Variants in ALDH1A2 observed in about 807,000 individuals in gnomAD.
ALDH1A2 encodes the protein retinal dehydrogenase 2.
A neutral mutation model predicts 60.3 loss-of-function variants in ALDH1A2; 27 were observed. The ratio of observed to expected loss-of-function variants is 0.45; its 90% CI spans 0.33 to 0.62. The LOEUF is 0.62. ALDH1A2 is among the 20% of genes least tolerant of loss of function. The pLI is 0.02. For missense variants in ALDH1A2, 581 were observed against 643.8 expected (o/e 0.90, Z 1.06); for synonymous variants, 289 against 232.4 (o/e 1.24, Z -2.21).
intron 1 of ALDH1A2, among the ~76,000 whole-genome samples, chr15:58,025,590 T>C (rs188074196): frequency 6.6e-6 from 1 of 152,178 alleles, no homozygotes; most frequent in East Asian, 1.9e-4. Context: ...AAAGAATAAC[T>C]AACATCAATC....
At chr15:58,035,672 T>A (rs2140548333) in intron 1 of ALDH1A2, among the ~76,000 whole-genome samples, 1 of 151,890 alleles carries the variant, frequency 6.6e-6, no homozygotes, top group East Asian at 1.9e-4. Context: ...TTAACTCATG[T>A]GTTATTCAGA....
In ALDH1A2 at chr15:58,022,514, T is replaced by G. The variant is rs563529803; in HGVS notation, c.118-8233A>C. Among the ~76,000 whole-genome samples the G allele has an allele frequency of 2.1e-4, 32 of 152,254 alleles. 1 individual carries two copies. The Middle Eastern group carries it at 0.014, about 65-fold the overall frequency. On this transcript the variant is annotated intron_variant, in intron 1 of 12. Coordinates refer to ENST00000249750, the MANE Select transcript of ALDH1A2 (RefSeq NM_003888.4). ...GAACACATCCAACCACCTGGTCCAC[T>G]GCTGCCACTACCTCCGGGGGGAAAG... is the stretch of plus-strand genomic sequence containing the variant.
At chr15:58,022,467 T>C (rs1895955035) in intron 1 of ALDH1A2, among the ~76,000 whole-genome samples, 1 of 152,042 alleles carries the variant, frequency 6.6e-6, no homozygotes, top group African/African-American at 2.4e-5. Context: ...TGCCATGCCA[T>C]ACAAGCTGCC....
At chr15:58,059,298 C>T (rs144581304) in intron 1 of ALDH1A2, among the ~76,000 whole-genome samples, 42 of 152,258 alleles carry the variant, frequency 2.8e-4, no homozygotes, top group African/African-American at 9.6e-4. Context: ...TTTGAAATTA[C>T]CTGTCACAGT....
chr15:58,031,134 C>A (rs190497315), intron 1 of ALDH1A2, among the ~76,000 whole-genome samples: 1 of 151,886 alleles, frequency 6.6e-6, no homozygotes, highest in Non-Finnish European at 1.5e-5. Context: ...GCTACAGTAA[C>A]CAAAACAGCC....
intron 1 of ALDH1A2, among the ~76,000 whole-genome samples, chr15:58,059,535 T>C (rs527591719): frequency 6.6e-6 from 1 of 152,354 alleles, no homozygotes; most frequent in South Asian, 2.1e-4. Context: ...GTATGCTGCA[T>C]ACTTCCCACA....
At chr15:57,966,824 C>T (rs1893910692) in intron 7 of ALDH1A2, among the ~76,000 whole-genome samples, 1 of 152,182 alleles carries the variant, frequency 6.6e-6, no homozygotes, top group African/African-American at 2.4e-5. Flanking sequence ...GCAGGGATCC[C>T]TAGTAAAATC....
intron 7 of ALDH1A2, among the ~76,000 whole-genome samples, chr15:57,980,859 G>C (rs1234113876): frequency 1.3e-5 from 2 of 152,138 alleles, no homozygotes; most frequent in African/African-American, 4.8e-5. Context: ...AGAAGGAATG[G>C]TACCACCTCT....
intron 12 of ALDH1A2, among the ~76,000 whole-genome samples, chr15:57,959,310 A>G (rs1270554107): frequency 6.6e-6 from 1 of 152,212 alleles, no homozygotes. Context: ...TGCATCTTGA[A>G]AAGTGGAAGC....
chr15:58,051,855 G>C (rs1896785305), intron 1 of ALDH1A2, among the ~76,000 whole-genome samples: 1 of 152,182 alleles, frequency 6.6e-6, no homozygotes, highest in African/African-American at 2.4e-5. Flanking sequence ...GTAAGCTTCT[G>C]ACAAGTTCCC....
intron 1 of ALDH1A2, among the ~76,000 whole-genome samples, chr15:58,017,216 G>A (rs1895813261): frequency 6.6e-6 from 1 of 152,108 alleles, no homozygotes; most frequent in South Asian, 2.1e-4. Context: ...TTAGTATTTT[G>A]CACAAGAACC....
chr15:57,995,274 C>T (rs964988102), intron 4 of ALDH1A2, 135 bp from the exon 5 acceptor site: 14 of 695,018 alleles, frequency 2.0e-5, no homozygotes, highest in East Asian at 5.5e-5. Context: ...CCTACTCAAC[C>T]GTGCATGAAA....
chr15:58,008,324 A>C (rs1384025108), intron 4 of ALDH1A2, among the ~76,000 whole-genome samples: 4 of 152,068 alleles, frequency 2.6e-5, no homozygotes, highest in Non-Finnish European at 4.4e-5. Flanking sequence ...TTAATGAGTA[A>C]AGTGGGGAAA....
chr15:58,020,693 C>T (rs1458512977), intron 1 of ALDH1A2, among the ~76,000 whole-genome samples: 1 of 152,008 alleles, frequency 6.6e-6, no homozygotes, highest in Non-Finnish European at 1.5e-5. Flanking sequence ...TTTATTTATT[C>T]TTAGATATTT....
chr15:58,021,153 G>T (rs1258878744), intron 1 of ALDH1A2, among the ~76,000 whole-genome samples: 23 of 152,016 alleles, frequency 1.5e-4, no homozygotes, highest in Non-Finnish European at 3.4e-4. Context: ...GTGACATATG[G>T]TTAGATTTTA....
intron 1 of ALDH1A2, among the ~76,000 whole-genome samples, chr15:58,059,284 T>A (rs189747269): frequency 6.6e-6 from 1 of 152,202 alleles, no homozygotes; most frequent in Non-Finnish European, 1.5e-5. Flanking sequence ...GGGAAATGAA[T>A]GGCTTTGAAA....
In ALDH1A2 at chr15:58,011,411, C is replaced by T. The variant is rs545692305; in HGVS notation, c.364-633G>A. ...ATTTAATAAAAATAGCAATATTGAA[C>T]TGCTTTACATTATAAACATTGTTAT... On this transcript the variant is annotated intron_variant, in intron 3 of 12. Coordinates refer to ENST00000249750, the MANE Select transcript of ALDH1A2 (RefSeq NM_003888.4). 3.3e-5 allele frequency among the ~76,000 whole-genome samples: 5 copies of T among 152,276 alleles called. No individual in the cohort carries two copies. In the East Asian group the frequency reaches 9.6e-4, roughly 29 times the overall value.
At chr15:57,984,585 A>G (rs1296413375) in intron 7 of ALDH1A2, among the ~76,000 whole-genome samples, 1 of 152,180 alleles carries the variant, frequency 6.6e-6, no homozygotes, top group Non-Finnish European at 1.5e-5. Flanking sequence ...AGATTTGCCT[A>G]TTCTGGATAT....
In ALDH1A2 at chr15:58,065,413, G is replaced by C. The variant is rs186496587; in HGVS notation, c.117+121C>G. 4,878 of 891,014 alleles carry C rather than the reference G, an allele frequency of 5.5e-3. 34 individuals are homozygous for C. The highest frequency in any genetic ancestry group is 8.0e-3 in the Non-Finnish European group (4,213 of 527,034). The allele number at this position is 891,014 out of a possible 1,614,324, so 55.2% of individuals were successfully genotyped here. On this transcript the variant is annotated intron_variant, in intron 1 of 12. Coordinates refer to ENST00000249750, the MANE Select transcript of ALDH1A2 (RefSeq NM_003888.4). ...GGGGGTCCCTCTGCTGCGCCGGGATGACAGGCTGGCCCCGACGACCCCGGC... is the reference window on the plus strand; with the variant it reads ...GGGGGTCCCTCTGCTGCGCCGGGATCACAGGCTGGCCCCGACGACCCCGGC...
Sources: gnomAD v4.1 joint callset for allele counts (sites outside exome capture counted in the v4.1 genomes callset) on GRCh38, gnomAD v4.1.1 for gene constraint, MANE v1.5 for transcripts, NCBI Gene and HGNC (gene_info 2026-07-23, HGNC 2026-07-21) for gene names.